The following LARP1B variants were observed in gnomAD, a reference collection of about 807,000 sequenced individuals.
LARP1B encodes La ribonucleoprotein 1B, also known as la-related protein 1B.
Under a neutral mutation model 114.2 loss-of-function variants are expected in LARP1B, and 76 were observed. The observed-to-expected ratio is 0.67, with a 90% CI of 0.55 to 0.81. The LOEUF (loss-of-function observed/expected upper bound fraction) is 0.81. Among genes scored for constraint, LARP1B ranks in the 30% least tolerant of loss-of-function variants. LARP1B has a pLI of 0.00. For synonymous variants in LARP1B, 345 were observed against 348.0 expected (o/e 0.99, Z 0.10); for missense variants, 1,014 against 1,075.8 (o/e 0.94, Z 0.80).
intron 5 of LARP1B, among the ~76,000 whole-genome samples, chr4:128,089,226 G>A (rs1375376395): frequency 6.6e-6 from 1 of 152,050 alleles, no homozygotes; most frequent in African/African-American, 2.4e-5. Flanking sequence ...AAAGTGCTAA[G>A]GTTGTAAAAC....
intron 15 of LARP1B, among the ~76,000 whole-genome samples, chr4:128,196,264 AAAAG>A (rs1263020286): frequency 6.7e-5 from 10 of 148,888 alleles, no homozygotes; most frequent in East Asian, 5.9e-4. Context: ...AAAAAAAAAA[AAAAG>A]AAAGAAAGAA....
intron 15 of LARP1B, among the ~76,000 whole-genome samples, chr4:128,181,490 T>C (rs1470859913): frequency 2.0e-5 from 3 of 152,110 alleles, no homozygotes; most frequent in African/African-American, 7.2e-5. Flanking sequence ...GTCTCATCTA[T>C]TCTTCATTCT....
chr4:128,157,161 G>A (rs1736185994), intron 11 of LARP1B, among the ~76,000 whole-genome samples: 2 of 152,118 alleles, frequency 1.3e-5, no homozygotes, highest in African/African-American at 4.8e-5. Flanking sequence ...ATAAGATGGA[G>A]AATTTCAGTA....
rs185448286 is a variant in LARP1B, at chr4:128,066,423, C to T, written c.-78+5022C>T. On this transcript the variant is annotated intron_variant, in intron 1 of 19. Coordinates refer to ENST00000326639, the MANE Select transcript of LARP1B (RefSeq NM_018078.4). Reference sequence around the variant, plus strand: ...TCGATCTGCTGACCTCGTGATCCGCCGGCCTCGGCCTCCCAAAGTGCTAGG... The same window carrying T: ...TCGATCTGCTGACCTCGTGATCCGCTGGCCTCGGCCTCCCAAAGTGCTAGG... Among the ~76,000 whole-genome samples, 4 of 151,604 alleles carry T rather than the reference C, an allele frequency of 2.6e-5. No homozygotes were observed. In the East Asian group the frequency reaches 5.8e-4, roughly 22 times the overall value.
At chr4:128,062,256 C>T (rs1027813603) in intron 1 of LARP1B, 3 of 985,310 alleles carry the variant, frequency 3.0e-6, no homozygotes, top group Admixed American at 1.2e-4. Flanking sequence ...TGGCAGGGTG[C>T]GGGCAGGGGC....
intron 15 of LARP1B, among the ~76,000 whole-genome samples, chr4:128,195,282 T>C (rs1753706131): frequency 6.6e-6 from 1 of 152,242 alleles, no homozygotes; most frequent in African/African-American, 2.4e-5. Context: ...TTTACTAATC[T>C]AAGTATTCGA....
At chr4:128,128,258 A>G (rs1790306205) in intron 11 of LARP1B, among the ~76,000 whole-genome samples, 1 of 152,242 alleles carries the variant, frequency 6.6e-6, no homozygotes, top group South Asian at 2.1e-4. Flanking sequence ...GCAACAAACA[A>G]TAAAAACAGG....
chr4:128,108,150 G>A, intron 9 of LARP1B: 1 of 1,283,930 alleles, frequency 7.8e-7, no homozygotes, highest in Non-Finnish European at 9.8e-7. Context: ...GCCTATTTCT[G>A]TGTAATTGGC....
rs1306039867 is a variant in LARP1B at position 128,211,904 on chromosome 4, A to C, written c.*1851A>C. 6.8e-6 allele frequency: 2 copies of C among 292,692 alleles called. No homozygotes were observed. Among genetic ancestry groups the C allele is most frequent in the Non-Finnish European group, 1.0e-5 (2 of 196,952 alleles). 18.1% of individuals were successfully genotyped at this position (292,692 alleles called of 1,614,324 possible). A position where few individuals can be genotyped will look rare whatever the true frequency, so the allele number is the denominator to read the frequency against. On this transcript the variant is annotated 3_prime_UTR_variant, in exon 20 of 20. Coordinates refer to ENST00000326639, the MANE Select transcript of LARP1B (RefSeq NM_018078.4). ...AGTAGTTTTATCATATTTTTATTAT[A>C]AAAGTAATACATGTACATTGGGAAA...
At chr4:128,118,593 A>G (rs1246419527) in intron 10 of LARP1B, among the ~76,000 whole-genome samples, 1 of 151,780 alleles carries the variant, frequency 6.6e-6, no homozygotes, top group Non-Finnish European at 1.5e-5. Flanking sequence ...TTTGGGAGAA[A>G]CTAATGTTTC....
chr4:128,063,678 C>CTGA (rs897249415), intron 1 of LARP1B, among the ~76,000 whole-genome samples: 4 of 150,018 alleles, frequency 2.7e-5, no homozygotes, highest in Non-Finnish European at 4.4e-5. Context: ...ACTGGGGAGG[C>CTGA]TGAGGCAGGA....
chr4:128,076,224 C>A (rs373464498), intron 3 of LARP1B, among the ~76,000 whole-genome samples: 1 of 152,044 alleles, frequency 6.6e-6, no homozygotes, highest in South Asian at 2.1e-4. Flanking sequence ...ATGTTGGTCT[C>A]GAACTCCTGA....
chr4:128,149,431 A>G (rs909869389), intron 11 of LARP1B, among the ~76,000 whole-genome samples: 1 of 149,732 alleles, frequency 6.7e-6, no homozygotes, highest in Non-Finnish European at 1.5e-5. Context: ...GAGTTAAAAA[A>G]CCCACTTATA....
At chr4:128,206,052 A>G (rs935265068) in intron 17 of LARP1B, among the ~76,000 whole-genome samples, 1 of 152,174 alleles carries the variant, frequency 6.6e-6, no homozygotes, top group Admixed American at 6.5e-5. Flanking sequence ...GCACTTTGGG[A>G]GGCCGAGGCA....
intron 1 of LARP1B, among the ~76,000 whole-genome samples, chr4:128,063,178 G>A (rs1023033427): frequency 3.3e-5 from 5 of 151,992 alleles, no homozygotes; most frequent in Non-Finnish European, 5.9e-5. Flanking sequence ...TGTAATCCCA[G>A]CACTTTGGGA....
At chr4:128,176,212 T>TTATATATATATTATATATAA (rs1561496799) in intron 12 of LARP1B, among the ~76,000 whole-genome samples, 1 of 142,224 alleles carries the variant, frequency 7.0e-6, no homozygotes, top group African/African-American at 2.6e-5. Flanking sequence ...ATTATATATT[T>TTATATATATATTATATATAA]ATATATAAAT....
rs1235565682 is a variant in LARP1B at position 128,074,868 on chromosome 4, TG to T, written c.-18-65del. 121 of 1,094,332 alleles carry T rather than the reference TG, an allele frequency of 1.1e-4. 1 individual carries two copies. The South Asian group carries it at 1.4e-3, about 12-fold the overall frequency. The allele number at this position is 1,094,332 out of a possible 1,614,324, so 67.8% of individuals were successfully genotyped here. A position where few individuals can be genotyped will look rare whatever the true frequency, so the allele number is the denominator to read the frequency against. On this transcript the variant is annotated intron_variant, in intron 2 of 19. Coordinates refer to ENST00000326639, the MANE Select transcript of LARP1B (RefSeq NM_018078.4). ...TAAAACTCCTTTCACTTTTAGAAAA[TG>T]TTTTTTTCCTGCTTAAAATTTCTAA...
chr4:128,092,084 G>A lies in LARP1B; in HGVS notation c.668+572G>A, dbSNP rs534399116. Among the ~76,000 whole-genome samples, 62 of 152,152 alleles carry A rather than the reference G, an allele frequency of 4.1e-4. 2 individuals carry two copies. In the South Asian group the frequency reaches 0.012, roughly 29 times the overall value. Reference sequence around the variant, plus strand: ...TATTTTTCTCCTTAAAGGAGATTAGGTAAAATGTTATTGCATAATATGAAT... The same window carrying A: ...TATTTTTCTCCTTAAAGGAGATTAGATAAAATGTTATTGCATAATATGAAT... On this transcript the variant is annotated intron_variant, in intron 7 of 19. Coordinates refer to ENST00000326639, the MANE Select transcript of LARP1B (RefSeq NM_018078.4).
chr4:128,084,828 T>G (rs1195868848), intron 5 of LARP1B, among the ~76,000 whole-genome samples: 1 of 152,110 alleles, frequency 6.6e-6, no homozygotes, highest in African/African-American at 2.4e-5. Flanking sequence ...TTTATTTGAT[T>G]ATTAGTTTGA....
Sources: gnomAD v4.1 joint callset for allele counts (sites outside exome capture counted in the v4.1 genomes callset) on GRCh38, gnomAD v4.1.1 for gene constraint, MANE v1.5 for transcripts, NCBI Gene and HGNC (gene_info 2026-07-23, HGNC 2026-07-21) for gene names.